The following ATP8B4 variants were observed in gnomAD, a reference collection of about 807,000 sequenced individuals.
ATP8B4 encodes the protein probable phospholipid-transporting ATPase IM.
In ATP8B4, 133 loss-of-function variants were observed where a neutral mutation model predicts 145.6. The ratio of observed to expected loss-of-function variants is 0.91; its 90% CI spans 0.79 to 1.05. The LOEUF (loss-of-function observed/expected upper bound fraction) is 1.05, where lower values mean the gene tolerates loss of function less well. Ranked by LOEUF, ATP8B4 falls within the 50% of genes least tolerant of loss-of-function variation. The probability of loss-of-function intolerance (pLI) is 0.00; values close to 1 mark genes in which losing one functional copy is unlikely to be tolerated. For synonymous variants in ATP8B4, 507 were observed against 492.9 expected (o/e 1.03, Z -0.38); for missense variants, 1,458 against 1,425.2 (o/e 1.02, Z -0.37).
chr15:50,093,040 A>G (rs901730562), intron 2 of ATP8B4, among the ~76,000 whole-genome samples: 1 of 152,078 alleles, frequency 6.6e-6, no homozygotes, highest in African/African-American at 2.4e-5. Context: ...GCCTGAATGC[A>G]ATGGAAAGAT....
At chr15:50,143,387 C>A (rs1395406000) in intron 1 of ATP8B4, among the ~76,000 whole-genome samples, 1 of 152,210 alleles carries the variant, frequency 6.6e-6, no homozygotes, top group Non-Finnish European at 1.5e-5. Context: ...CACATTGGTG[C>A]TGACTGTTGA....
chr15:50,124,061 C>A (rs1161094618), upstream of ATP8B4, among the ~76,000 whole-genome samples: 2 of 152,174 alleles, frequency 1.3e-5, no homozygotes, highest in East Asian at 3.8e-4. Flanking sequence ...CCCCTTCTCT[C>A]TAGTGATTGA....
chr15:50,070,512 G>A (rs2053657338), intron 3 of ATP8B4, among the ~76,000 whole-genome samples: 1 of 152,180 alleles, frequency 6.6e-6, no homozygotes, highest in African/African-American at 2.4e-5. Context: ...ATCCTTTTGG[G>A]TGTTCCCAAA....
chr15:50,002,451 G>A (rs1428222514), intron 7 of ATP8B4, among the ~76,000 whole-genome samples: 1 of 151,918 alleles, frequency 6.6e-6, no homozygotes, highest in East Asian at 1.9e-4. Context: ...GCAAGGAAAG[G>A]AGCTATCATA....
chr15:50,002,289 A>G (rs1209419959), intron 7 of ATP8B4, 66 bp from the exon 8 acceptor site: 7 of 1,321,064 alleles, frequency 5.3e-6, no homozygotes, highest in Admixed American at 1.9e-5. Context: ...CTTCTACAGT[A>G]TATCACCTCT....
chr15:49,948,450 A>T (rs1385209450), intron 14 of ATP8B4, among the ~76,000 whole-genome samples: 1 of 152,114 alleles, frequency 6.6e-6, no homozygotes, highest in African/African-American at 2.4e-5. Flanking sequence ...CTCTGTCTCA[A>T]AAAAAAGACT....
chr15:49,961,087 T>G (rs1365771672), intron 14 of ATP8B4, among the ~76,000 whole-genome samples: 1 of 151,504 alleles, frequency 6.6e-6, no homozygotes. Context: ...GAGCCGAGAT[T>G]GCGCCACTGC....
At chr15:50,135,631 G>A (rs143504311) in intron 1 of ATP8B4, among the ~76,000 whole-genome samples, 3 of 152,242 alleles carry the variant, frequency 2.0e-5, no homozygotes, top group African/African-American at 7.2e-5. Flanking sequence ...TTTACCTGGT[G>A]GCACAATAAG....
intron 24 of ATP8B4, among the ~76,000 whole-genome samples, chr15:49,878,838 TAACAAGGAAGTCTCACTGCAGATGTTCGC>T (rs769363886): frequency 5.3e-5 from 8 of 152,202 alleles, no homozygotes; most frequent in Non-Finnish European, 8.8e-5. Flanking sequence ...GGGCTGTGTG[TAACAAGGAAGTCTCACTGCAGATGTTCGC>T]AACAAGGGAG....
chr15:50,060,624 C>G (rs1038745717), intron 3 of ATP8B4, among the ~76,000 whole-genome samples: 11 of 152,136 alleles, frequency 7.2e-5, no homozygotes, highest in Admixed American at 1.3e-4. Context: ...CAATTAAATA[C>G]TTTCCCCGCC....
At chr15:49,863,428 C>A (rs1202362015) in intron 26 of ATP8B4, among the ~76,000 whole-genome samples, 1 of 152,186 alleles carries the variant, frequency 6.6e-6, no homozygotes, top group Middle Eastern at 3.2e-3. Flanking sequence ...GTAAGGCAGG[C>A]AGACAAGCTC....
intron 9 of ATP8B4, among the ~76,000 whole-genome samples, chr15:49,995,847 T>C (rs986116685): frequency 6.6e-6 from 1 of 151,714 alleles, no homozygotes; most frequent in Non-Finnish European, 1.5e-5. Context: ...CACTGAGGAG[T>C]GAAAGGGAGA....
intron 5 of ATP8B4, among the ~76,000 whole-genome samples, chr15:50,044,101 T>A (rs1443678993): frequency 6.6e-6 from 1 of 152,206 alleles, no homozygotes; most frequent in Non-Finnish European, 1.5e-5. Flanking sequence ...AACTTATACA[T>A]GAATTTTTGA....
intron 14 of ATP8B4, among the ~76,000 whole-genome samples, chr15:49,957,052 C>CA (rs879745061): frequency 2.8e-4 from 41 of 145,854 alleles, no homozygotes; most frequent in South Asian, 2.4e-3. Flanking sequence ...GAAAAGATTG[C>CA]AAAAAAAAAA....
At chr15:50,084,324 C>G (rs2054753468) in intron 2 of ATP8B4, among the ~76,000 whole-genome samples, 1 of 152,118 alleles carries the variant, frequency 6.6e-6, no homozygotes, top group African/African-American at 2.4e-5. Flanking sequence ...ATGACACATT[C>G]AGGTAATAAG....
intron 1 of ATP8B4, among the ~76,000 whole-genome samples, chr15:50,137,405 CCTGA>C (rs1352775066): frequency 6.6e-6 from 1 of 152,206 alleles, no homozygotes; most frequent in Non-Finnish European, 1.5e-5. Flanking sequence ...TCCATGCAGT[CCTGA>C]CTGAGGAGAG....
chr15:50,158,228 G>A, intron 1 of ATP8B4, among the ~76,000 whole-genome samples: 1 of 151,758 alleles, frequency 6.6e-6, no homozygotes, highest in Non-Finnish European at 1.5e-5. Context: ...CGTCTGGGAT[G>A]TGAGGAGCCC....
Position 49,881,112 on chromosome 15 carries a change from AAAACAAAC to A in ATP8B4, c.2698-1661_2698-1654del, listed in dbSNP as rs144894060. 1.7e-3 allele frequency among the ~76,000 whole-genome samples: 255 copies of A among 149,488 alleles called. 1 individual carries two copies. The highest frequency in any genetic ancestry group is 5.6e-3 in the African/African-American group (219 of 39,398). ...GGGTGACAAAGCAAGACTCCGTCTC[AAAACAAAC>A]AAACAAACAAACAAAAAAAAGCCTT... On this transcript the variant is annotated intron_variant, in intron 23 of 27. Coordinates refer to ENST00000284509, the MANE Select transcript of ATP8B4 (RefSeq NM_024837.4).
Position 49,996,495 on chromosome 15 carries a change from T to G in ATP8B4, c.589+182A>C, listed in dbSNP as rs757430915. Among the ~76,000 whole-genome samples the G allele has an allele frequency of 3.9e-5, 6 of 152,104 alleles. No individual in the cohort carries two copies. In the South Asian group the frequency reaches 1.0e-3, roughly 26 times the overall value. ...AATGAACGATAAACTGATAAAGCCATTCTCTCCTTGGCAAACATTTTTACT... is the reference window on the plus strand; with the variant it reads ...AATGAACGATAAACTGATAAAGCCAGTCTCTCCTTGGCAAACATTTTTACT... On this transcript the variant is annotated intron_variant, in intron 9 of 27. Transcript: ENST00000284509.
Sources: allele counts gnomAD v4.1 joint callset (sites outside exome capture counted in the v4.1 genomes callset), GRCh38; gene constraint gnomAD v4.1.1; transcripts MANE v1.5; gene names NCBI Gene and HGNC (gene_info 2026-07-23, HGNC 2026-07-21).